Variants in SMARCA2 observed in about 807,000 individuals in gnomAD.
SMARCA2 encodes SWI/SNF-related matrix-associated actin-dependent regulator of chromatin subfamily A member 2.
Under a neutral mutation model 199.8 loss-of-function variants are expected in SMARCA2, and 61 were observed. The ratio of observed to expected loss-of-function variants is 0.31; its 90% confidence interval spans 0.25 to 0.38. The LOEUF is 0.38. Among genes scored for constraint, SMARCA2 ranks in the 10% least tolerant of loss-of-function variants. SMARCA2 has a pLI of 1.00. For synonymous variants in SMARCA2, 935 were observed against 732.0 expected (o/e 1.28, Z -4.48); for missense variants, 1,344 against 2,012.2 (o/e 0.67, Z 6.35).
rs748906566 is a variant in SMARCA2 at position 2,081,800 on chromosome 9, T to G, written c.2185-32T>G. The G allele has an allele frequency of 2.5e-6, 4 of 1,605,536 alleles. No individual in the cohort carries two copies. In the Admixed American group the frequency reaches 6.7e-5, roughly 27 times the overall value. Reference sequence around the variant, plus strand: ...TAGGATTAATTACCTGTGCAGATCTTGGATAATTGAAGCAATTACTCTTCA... The same window carrying G: ...TAGGATTAATTACCTGTGCAGATCTGGGATAATTGAAGCAATTACTCTTCA... On this transcript the variant is annotated intron_variant, in intron 14 of 33. Transcript: ENST00000349721.
intron 22 of SMARCA2, among the ~76,000 whole-genome samples, chr9:2,102,846 A>ATAT (rs1822583560): frequency 6.6e-6 from 1 of 152,162 alleles, no homozygotes; most frequent in South Asian, 2.1e-4. Flanking sequence ...CTGAAAATGA[A>ATAT]AACGTTCAGT....
chr9:2,032,878 A>C, intron 2 of SMARCA2, 74 bp from the exon 3 acceptor site: 1 of 1,376,990 alleles, frequency 7.3e-7, no homozygotes, highest in East Asian at 2.3e-5. Flanking sequence ...GAACTTAGGA[A>C]GGGGTCTGAA....
chr9:2,030,160 G>T (rs1466000922), intron 2 of SMARCA2, among the ~76,000 whole-genome samples: 1 of 152,228 alleles, frequency 6.6e-6, no homozygotes, highest in Non-Finnish European at 1.5e-5. Flanking sequence ...TATTCATTAG[G>T]ATTCTCCAGA....
At chr9:2,120,039 A>G (rs530212751) in intron 26 of SMARCA2, among the ~76,000 whole-genome samples, 61 of 152,364 alleles carry the variant, frequency 4.0e-4, no homozygotes, top group Admixed American at 1.3e-3. Flanking sequence ...GGTGGACAAC[A>G]GCTAAAACAA....
intron 23 of SMARCA2, among the ~76,000 whole-genome samples, chr9:2,107,274 T>C (rs1822795804): frequency 6.6e-6 from 1 of 152,222 alleles, no homozygotes; most frequent in African/African-American, 2.4e-5. Flanking sequence ...TAATCTTTTT[T>C]GTTTTTTATA....
chr9:2,090,782 C>A (rs1375123214), intron 19 of SMARCA2, among the ~76,000 whole-genome samples: 2 of 152,080 alleles, frequency 1.3e-5, no homozygotes, highest in Non-Finnish European at 2.9e-5. Context: ...TTTTCAAGCA[C>A]TTTGTGTGTG....
At chr9:2,125,922 A>T (rs574831006) in intron 27 of SMARCA2, among the ~76,000 whole-genome samples, 1 of 152,242 alleles carries the variant, frequency 6.6e-6, no homozygotes, top group Admixed American at 6.5e-5. Flanking sequence ...TGCCCTGAAG[A>T]AAAACAACAT....
At chr9:2,130,710 C>CATAT (rs760558742) in intron 27 of SMARCA2, among the ~76,000 whole-genome samples, 1 of 151,862 alleles carries the variant, frequency 6.6e-6, no homozygotes, top group Non-Finnish European at 1.5e-5. Flanking sequence ...TACATACATA[C>CATAT]ATATATATAT....
At chr9:2,166,533 T>C (rs1238042344) in intron 28 of SMARCA2, among the ~76,000 whole-genome samples, 1 of 152,208 alleles carries the variant, frequency 6.6e-6, no homozygotes, top group African/African-American at 2.4e-5. Context: ...TGTATTCTTA[T>C]CCCTGTGTAG....
In SMARCA2 at chr9:2,058,207, G is replaced by GT. The variant is rs1820439141; in HGVS notation, c.1348-80dup. 3.3e-6 allele frequency: 4 copies of GT among 1,228,650 alleles called. No homozygotes were observed. The African/African-American group carries it at 5.9e-5, about 18-fold the overall frequency. The allele number at this position is 1,228,650 out of a possible 1,614,324, so 76.1% of individuals were successfully genotyped here. A position where few individuals can be genotyped will look rare whatever the true frequency, so the allele number is the denominator to read the frequency against. ...CTATGCTGTTAAACACACACTGAGAGTTTTCTTGGACAACACTGATAGCTC... is the reference window on the plus strand; with the variant it reads ...CTATGCTGTTAAACACACACTGAGAGTTTTTCTTGGACAACACTGATAGCTC... On this transcript the variant is annotated intron_variant, in intron 7 of 33. Transcript: ENST00000349721.
Position 2,056,483 on chromosome 9 carries a change from G to A in SMARCA2, c.1174-189G>A, listed in dbSNP as rs928974799. On this transcript the variant is annotated intron_variant, in intron 6 of 33. Coordinates refer to ENST00000349721, the MANE Select transcript of SMARCA2 (RefSeq NM_003070.5). This position sits in a 1 kb window ranked among gnomAD's most constrained non-coding sequence, Gnocchi z 4.0. ...TATTTGGGGAGAAAAATCTTGTACC[G>A]TTCTTGAAAATATTGCATACATTTG... 1.5e-4 allele frequency among the ~76,000 whole-genome samples: 23 copies of A among 152,244 alleles called. No individual in the cohort carries two copies. Among genetic ancestry groups the A allele is most frequent in the African/African-American group, 5.1e-4 (21 of 41,550 alleles).
chr9:2,100,030 T>C (rs1822442351), intron 21 of SMARCA2, among the ~76,000 whole-genome samples: 1 of 152,098 alleles, frequency 6.6e-6, no homozygotes, highest in Non-Finnish European at 1.5e-5. Context: ...ATCATGAGCA[T>C]ATTTGAGAGT....
intron 27 of SMARCA2, among the ~76,000 whole-genome samples, chr9:2,135,180 A>G (rs1336879706): frequency 1.3e-5 from 2 of 152,198 alleles, no homozygotes; most frequent in Non-Finnish European, 2.9e-5. Context: ...GAGAACTAGG[A>G]GCTCCAGTGT....
intron 2 of SMARCA2, among the ~76,000 whole-genome samples, chr9:2,031,045 T>G (rs1819045164): frequency 6.6e-6 from 1 of 152,256 alleles, no homozygotes; most frequent in Non-Finnish European, 1.5e-5. Context: ...TTTCTGTATG[T>G]TCATTACAAA....
At position 2,170,588 on chromosome 9, in the gene SMARCA2, C is replaced by G. The variant is rs1000881702; in HGVS notation, c.4253+116C>G. On this transcript the variant is annotated intron_variant, in intron 29 of 33. Transcript: ENST00000349721. This position sits in a 1 kb window ranked among gnomAD's most constrained non-coding sequence, Gnocchi z 4.7. ...CAAATTTCTTCGGTCACCTCCTGAT[C>G]ACCCCTACTTGGAGAGCGGGATAGA... 4.5e-6 allele frequency: 7 copies of G among 1,538,662 alleles called. No individual in the cohort carries two copies. In the African/African-American group the frequency reaches 9.5e-5, roughly 21 times the overall value.
At chr9:2,036,052 G>A (rs1819316445) in intron 3 of SMARCA2, among the ~76,000 whole-genome samples, 1 of 152,090 alleles carries the variant, frequency 6.6e-6, no homozygotes, top group African/African-American at 2.4e-5. Flanking sequence ...TTAGGGTATT[G>A]GTCAAGAAGG....
intron 27 of SMARCA2, chr9:2,158,662 G>C (rs12378008): frequency 1.3e-5 from 4 of 301,894 alleles, no homozygotes; most frequent in East Asian, 5.2e-5. Context: ...GGTTTTTTTT[G>C]TGTGTGACCC....
intron 27 of SMARCA2, among the ~76,000 whole-genome samples, chr9:2,155,485 A>G (rs765886673): frequency 2.6e-5 from 4 of 151,960 alleles, no homozygotes; most frequent in Non-Finnish European, 4.4e-5. Context: ...GTTTCACCAT[A>G]TTGGCCAGGC....
At chr9:2,116,400 A>G (rs1352469703) in intron 25 of SMARCA2, among the ~76,000 whole-genome samples, 2 of 152,200 alleles carry the variant, frequency 1.3e-5, no homozygotes, top group African/African-American at 2.4e-5. Flanking sequence ...GAGACAAGAC[A>G]TAAATGGAAG....
Sources: allele counts gnomAD v4.1 joint callset (sites outside exome capture counted in the v4.1 genomes callset), GRCh38; gene constraint gnomAD v4.1.1; non-coding constraint Gnocchi (gnomAD v3.1); transcripts MANE v1.5; gene names NCBI Gene and HGNC (gene_info 2026-07-23, HGNC 2026-07-21).